MPRIP: variants seen among roughly 807,000 people sequenced by gnomAD.
The protein encoded by MPRIP is myosin phosphatase Rho-interacting protein.
A neutral mutation model predicts 234.9 loss-of-function variants in MPRIP; 59 were observed. The ratio of observed to expected loss-of-function variants is 0.25; its 90% confidence interval spans 0.20 to 0.31. The LOEUF (loss-of-function observed/expected upper bound fraction) is 0.31, where lower values mean the gene tolerates loss of function less well. Ranked by LOEUF, MPRIP falls within the 10% of genes least tolerant of loss-of-function variation. The pLI is 1.00. For synonymous variants in MPRIP, 1,144 were observed against 1,263.9 expected (o/e 0.91, Z 2.01); for missense variants, 2,436 against 3,071.0 (o/e 0.79, Z 4.89).
chr17:17,105,370 C>G (rs1400999125), intron 3 of MPRIP, among the ~76,000 whole-genome samples: 1 of 152,206 alleles, frequency 6.6e-6, no homozygotes, highest in African/African-American at 2.4e-5. Flanking sequence ...ATTGTGGGGT[C>G]ACATATCTTT....
Position 17,078,180 on chromosome 17 carries a change from G to T in MPRIP, c.267+104G>T. The T allele has an allele frequency of 8.3e-7, 1 of 1,198,318 alleles. No individual in the cohort carries two copies. The highest frequency in any genetic ancestry group is 1.2e-6 in the Non-Finnish European group (1 of 814,896). The allele number at this position is 1,198,318 out of a possible 1,614,324, so 74.2% of individuals were successfully genotyped here. On this transcript the variant is annotated intron_variant, in intron 3 of 23. Transcript: ENST00000651222. The surrounding 1 kb of genome is among the most constrained non-coding windows in gnomAD (Gnocchi z 4.3). The stretch of plus-strand genomic sequence containing the variant: ...GAGAGCACAGCAGCCATGTGCTCCT[G>T]CTTGTGTCTGTTTGGGAGTGTGGAA...
In MPRIP at chr17:17,164,772, G is replaced by A. The variant is rs1175669102; in HGVS notation, c.3181G>A (p.Val1061Met). The A allele has an allele frequency of 7.7e-7, 1 of 1,304,240 alleles. No homozygotes were observed. The highest frequency in any genetic ancestry group is 1.2e-5 in the South Asian group (1 of 81,024). The allele number at this position is 1,304,240 out of a possible 1,614,324, so 80.8% of individuals were successfully genotyped here. ...CCAGCTGCAGGGTCAGGCACAGCAGGTGGAGACCCTGCAGAAGGAGAAGCT... is the reference window on the plus strand; with the variant it reads ...CCAGCTGCAGGGTCAGGCACAGCAGATGGAGACCCTGCAGAAGGAGAAGCT... ...EDQLQGQAQQ[V>M]ETLQKEKLSA... The change falls in exon 16 of 24, where the codon GTG (valine) becomes ATG (methionine). Residue 1061 changes from valine (V) to methionine (M), a missense_variant. By Grantham distance (21) the Val-to-Met change is conservative. Coordinates refer to ENST00000651222, the MANE Select transcript of MPRIP (RefSeq NM_001364716.4).
chr17:17,123,717 A>G (rs915087441), intron 3 of MPRIP, among the ~76,000 whole-genome samples: 1 of 151,378 alleles, frequency 6.6e-6, no homozygotes, highest in African/African-American at 2.4e-5. Context: ...AAAAAAAAAA[A>G]AAAAAAAGAA....
In MPRIP at chr17:17,168,072, G is replaced by A. The variant is rs192187339; in HGVS notation, c.6324+157G>A. The A allele has an allele frequency of 3.5e-5, 19 of 548,580 alleles. 1 individual carries two copies. The highest frequency in any genetic ancestry group is 1.3e-4 in the South Asian group (7 of 52,230). The allele number at this position is 548,580 out of a possible 1,614,324, so 34.0% of individuals were successfully genotyped here. A position where few individuals can be genotyped will look rare whatever the true frequency, so the allele number is the denominator to read the frequency against. Reference sequence around the variant, plus strand: ...GTGTGGTCTCAGCAGGGCCTGGGCCGCAGGCTTAGCCTCTTGTTCGGCATC... The same window carrying A: ...GTGTGGTCTCAGCAGGGCCTGGGCCACAGGCTTAGCCTCTTGTTCGGCATC... On this transcript the variant is annotated intron_variant, in intron 16 of 23. Transcript: ENST00000651222.
intron 3 of MPRIP, among the ~76,000 whole-genome samples, chr17:17,122,746 A>G (rs187966230): frequency 6.6e-6 from 1 of 152,370 alleles, no homozygotes; most frequent in African/African-American, 2.4e-5. Flanking sequence ...CAATTTAAAA[A>G]GTTAGTCCCA....
At chr17:17,131,995 G>A (rs2090606495) in intron 5 of MPRIP, among the ~76,000 whole-genome samples, 1 of 152,212 alleles carries the variant, frequency 6.6e-6, no homozygotes, top group African/African-American at 2.4e-5. Context: ...GCTGGCAGCT[G>A]GGGAGGGGCA....
chr17:17,053,815 G>A lies in MPRIP; in HGVS notation c.123+10844G>A, dbSNP rs2088613058. Among the ~76,000 whole-genome samples, 3 of 152,230 alleles carry A rather than the reference G, an allele frequency of 2.0e-5. No homozygotes were observed. The South Asian group carries it at 6.2e-4, about 32-fold the overall frequency. ...GTCTCCTCTCCCACTGAGCTGCTCT[G>A]CACCACCCTAGCAGCTTTCTTATGT... is the stretch of plus-strand genomic sequence containing the variant. On this transcript the variant is annotated intron_variant, in intron 1 of 23. Coordinates refer to ENST00000651222, the MANE Select transcript of MPRIP (RefSeq NM_001364716.4).
At chr17:17,083,730 G>GTTGTTT (rs1443133247) in intron 3 of MPRIP, among the ~76,000 whole-genome samples, 6 of 151,930 alleles carry the variant, frequency 3.9e-5, no homozygotes, top group East Asian at 1.9e-4. Flanking sequence ...TTTTTTTGTT[G>GTTGTTT]TTGTTTTTGT....
intron 6 of MPRIP, 117 bp downstream of exon 6, chr17:17,136,567 C>T: frequency 1.0e-6 from 1 of 989,928 alleles, no homozygotes; most frequent in Admixed American, 2.4e-5. Context: ...GACCTCGATT[C>T]CCTTTGTCCA....
intron 3 of MPRIP, among the ~76,000 whole-genome samples, chr17:17,123,887 C>G (rs1030940256): frequency 2.6e-5 from 4 of 152,036 alleles, no homozygotes; most frequent in Non-Finnish European, 4.4e-5. Flanking sequence ...TCTCCTTTCT[C>G]TGTGTGTGAT....
chr17:17,107,352 G>A lies in MPRIP; in HGVS notation c.268-19350G>A, dbSNP rs554128165. Among the ~76,000 whole-genome samples, 6 of 152,362 alleles carry A rather than the reference G, an allele frequency of 3.9e-5. 1 individual carries two copies. The highest frequency in any genetic ancestry group is 8.8e-5 in the Non-Finnish European group (6 of 68,026). On this transcript the variant is annotated intron_variant, in intron 3 of 23. Coordinates refer to ENST00000651222, the MANE Select transcript of MPRIP (RefSeq NM_001364716.4). ...AGGAGCCTCAGAGCCTGGGCAGGGC[G>A]GGGACTTCAAGGCTGCTGCCAGGTT...
At chr17:17,128,490 T>G (rs2144402761) in intron 4 of MPRIP, among the ~76,000 whole-genome samples, 1 of 152,342 alleles carries the variant, frequency 6.6e-6, no homozygotes, top group African/African-American at 2.4e-5. Context: ...CTCTGCTCTC[T>G]TCTGTTGCAT....
rs1416285929 is a variant in MPRIP, at chr17:17,164,245, A to G, written c.2654A>G (p.Tyr885Cys). 9 of 1,304,194 alleles carry G rather than the reference A, an allele frequency of 6.9e-6. No individual in the cohort carries two copies. Among genetic ancestry groups the G allele is most frequent in the East Asian group, 5.5e-5 (1 of 18,036 alleles). 80.8% of individuals were successfully genotyped at this position (1,304,194 alleles called of 1,614,324 possible). ...CAGATTCAGACCCTGAAGCGTAGCT[A>G]TGGGGAGGCCAAGGACACGATCCGG... ...THQIQTLKRS[Y>C]GEAKDTIRHH... is the part of the protein sequence containing the mutation. The change falls in exon 16 of 24, where the codon TAT (tyrosine) becomes TGT (cysteine). Residue 885 changes from tyrosine (Y) to cysteine (C), a missense_variant. Physicochemically the swap from Tyr to Cys is radical, Grantham distance 194 (BLOSUM62 -2). Coordinates refer to ENST00000651222, the MANE Select transcript of MPRIP (RefSeq NM_001364716.4).
intron 1 of MPRIP, among the ~76,000 whole-genome samples, chr17:17,064,168 A>G (rs573189290): frequency 6.6e-6 from 1 of 151,600 alleles, no homozygotes; most frequent in East Asian, 1.9e-4. Context: ...TGCAGAGGCC[A>G]CAGTGGCTGA....
rs1462052301 is a variant in MPRIP, at chr17:17,078,394, A to C, written c.267+318A>C. Among the ~76,000 whole-genome samples the C allele has an allele frequency of 6.6e-6, 1 of 152,212 alleles. No individual in the cohort carries two copies. The highest frequency in any genetic ancestry group is 6.5e-5 in the Admixed American group (1 of 15,288). ...GGGGAAAGCAAGGGCAAAGTCCTGG[A>C]TCACGTGTGCAGGCTGTGGACCTGT... On this transcript the variant is annotated intron_variant, in intron 3 of 23. Transcript: ENST00000651222. The surrounding 1 kb of genome is among the most constrained non-coding windows in gnomAD (Gnocchi z 4.3).
chr17:17,082,765 CTA>C (rs2089494474), intron 3 of MPRIP, among the ~76,000 whole-genome samples: 1 of 152,186 alleles, frequency 6.6e-6, no homozygotes, highest in South Asian at 2.1e-4. Context: ...ACCCATTGAA[CTA>C]TAACTCCCTT....
chr17:17,045,764 T>C (rs2088325809), intron 1 of MPRIP, among the ~76,000 whole-genome samples: 1 of 152,096 alleles, frequency 6.6e-6, no homozygotes, highest in African/African-American at 2.4e-5. Flanking sequence ...TATCCTCCAG[T>C]TTTCCTGTGC....
chr17:17,171,672 T>C (rs1204814167), intron 16 of MPRIP, 46 bp from the exon 17 acceptor site: 1 of 1,592,576 alleles, frequency 6.3e-7, no homozygotes, highest in South Asian at 1.1e-5. Flanking sequence ...GCCCCCAACT[T>C]AGAGGTAAAG....
In MPRIP at chr17:17,171,712, T is replaced by C. The variant is rs977085046; in HGVS notation, c.6325-6T>C. ...AAGTCGATGAAGTCCCTTTTGCATT[T>C]TGCAGGCCACGTGCGAGCGAGGGTT... On this transcript the variant is annotated splice_region_variant and splice_polypyrimidine_tract_variant and intron_variant, in intron 16 of 23. Coordinates refer to ENST00000651222, the MANE Select transcript of MPRIP (RefSeq NM_001364716.4). 1 of 1,608,536 alleles carries C rather than the reference T, an allele frequency of 6.2e-7. No individual in the cohort carries two copies. Among genetic ancestry groups the C allele is most frequent in the Admixed American group, 1.7e-5 (1 of 58,876 alleles).
Sources: gnomAD v4.1 joint callset for allele counts (sites outside exome capture counted in the v4.1 genomes callset) on GRCh38, gnomAD v4.1.1 for gene constraint, Gnocchi (gnomAD v3.1) non-coding constraint, MANE v1.5 for transcripts, NCBI Gene and HGNC (gene_info 2026-07-23, HGNC 2026-07-21) for gene names.